UNC13C: variants seen among roughly 807,000 people sequenced by gnomAD.
UNC13C encodes protein unc-13 homolog C.
A neutral mutation model predicts 245.4 loss-of-function variants in UNC13C; 174 were observed. The observed-to-expected ratio is 0.71, with a 90% CI of 0.63 to 0.80. The LOEUF is 0.80. Ranked by LOEUF, UNC13C falls within the 30% of genes least tolerant of loss-of-function variation. The probability of loss-of-function intolerance (pLI) is 0.00; values close to 1 mark genes in which losing one functional copy is unlikely to be tolerated. For missense variants in UNC13C, 2,829 were observed against 2,602.9 expected, an observed-to-expected ratio of 1.09 and a Z score of -1.89; for synonymous variants, 992 against 895.1, an observed-to-expected ratio of 1.11 and a Z score of -1.93.
At chr15:54,395,173 A>T (rs971952422) in intron 18 of UNC13C, among the ~76,000 whole-genome samples, 2 of 151,734 alleles carry the variant, frequency 1.3e-5, no homozygotes, top group Admixed American at 1.3e-4. Flanking sequence ...AAGATCGTTC[A>T]ATTTAGTTTC....
intron 17 of UNC13C, among the ~76,000 whole-genome samples, chr15:54,371,740 A>G (rs565971199): frequency 2.6e-4 from 39 of 150,982 alleles, no homozygotes; most frequent in South Asian, 6.4e-4. Context: ...ACACACACAT[A>G]CCAGTGGAAT....
At chr15:54,405,365 G>A (rs534452847) in intron 18 of UNC13C, among the ~76,000 whole-genome samples, 1 of 152,254 alleles carries the variant, frequency 6.6e-6, no homozygotes, top group South Asian at 2.1e-4. Context: ...GGACAAAAAT[G>A]TGTTAAATTT....
chr15:54,542,225 C>G (rs529670850), intron 26 of UNC13C, among the ~76,000 whole-genome samples: 7 of 152,064 alleles, frequency 4.6e-5, no homozygotes, highest in Admixed American at 2.6e-4. Flanking sequence ...TTTCAAAGAA[C>G]TTATTTATTT....
At chr15:54,160,857 A>G (rs2032945680) in intron 4 of UNC13C, among the ~76,000 whole-genome samples, 1 of 152,164 alleles carries the variant, frequency 6.6e-6, no homozygotes, top group Admixed American at 6.5e-5. Context: ...TCTCTAATAT[A>G]TTTCTGATAA....
At chr15:54,182,687 A>C (rs2033842970) in intron 4 of UNC13C, among the ~76,000 whole-genome samples, 1 of 152,020 alleles carries the variant, frequency 6.6e-6, no homozygotes, top group African/African-American at 2.4e-5. Flanking sequence ...CTCCAGGAAA[A>C]TATCCTCTAA....
chr15:54,228,001 C>T (rs902159998), intron 4 of UNC13C, among the ~76,000 whole-genome samples: 9 of 152,170 alleles, frequency 5.9e-5, no homozygotes, highest in African/African-American at 2.2e-4. Flanking sequence ...AGTCTGAAGT[C>T]AGAAACTTTA....
At chr15:54,249,267 T>C (rs1199171868) in intron 7 of UNC13C, among the ~76,000 whole-genome samples, 2 of 152,028 alleles carry the variant, frequency 1.3e-5, no homozygotes, top group African/African-American at 4.8e-5. Flanking sequence ...TCAATACTAA[T>C]ACTAAGTGCT....
At chr15:54,606,078 A>G (rs1899751545) in intron 30 of UNC13C, among the ~76,000 whole-genome samples, 1 of 152,160 alleles carries the variant, frequency 6.6e-6, no homozygotes, top group African/African-American at 2.4e-5. Context: ...AATACAACAA[A>G]TCTGTCTTTG....
the UNC13C span, among the ~76,000 whole-genome samples, chr15:53,920,719 C>T: frequency 6.6e-6 from 1 of 151,776 alleles, no homozygotes; most frequent in Admixed American, 6.6e-5. Context: ...GAGTCTTCTC[C>T]ATAAGAGAAC....
intron 2 of UNC13C, among the ~76,000 whole-genome samples, chr15:54,074,412 A>G (rs1345844770): frequency 6.6e-6 from 1 of 152,208 alleles, no homozygotes; most frequent in Non-Finnish European, 1.5e-5. Flanking sequence ...AATTCTGTGA[A>G]TAAAGTCAGT....
chr15:54,597,511 A>G (rs1257750949), intron 30 of UNC13C, among the ~76,000 whole-genome samples: 1 of 152,158 alleles, frequency 6.6e-6, no homozygotes, highest in Non-Finnish European at 1.5e-5. Context: ...CGTCTGGGGT[A>G]AGACATGGAA....
chr15:54,311,134 C>A (rs575683691), intron 13 of UNC13C, among the ~76,000 whole-genome samples: 1 of 151,636 alleles, frequency 6.6e-6, no homozygotes, highest in South Asian at 2.1e-4. Flanking sequence ...TTGTAATGAC[C>A]TGAAAATTCT....
intron 2 of UNC13C, among the ~76,000 whole-genome samples, chr15:54,078,761 T>A (rs1898773749): frequency 6.6e-6 from 1 of 151,992 alleles, no homozygotes; most frequent in Admixed American, 6.6e-5. Context: ...TACTTTCTCC[T>A]ATTCTGTAGG....
intron 10 of UNC13C, among the ~76,000 whole-genome samples, chr15:54,287,403 A>C (rs970271892): frequency 1.3e-5 from 2 of 152,226 alleles, no homozygotes; most frequent in Non-Finnish European, 2.9e-5. Context: ...GATATAATCA[A>C]ACAAAATGAA....
intron 19 of UNC13C, among the ~76,000 whole-genome samples, chr15:54,430,723 C>T (rs1326578950): frequency 6.6e-6 from 1 of 151,684 alleles, no homozygotes; most frequent in Non-Finnish European, 1.5e-5. Context: ...ATTTAAAACA[C>T]ATTTTGTTTT....
At chr15:54,539,767 A>T (rs750338886) in intron 26 of UNC13C, among the ~76,000 whole-genome samples, 8 of 152,202 alleles carry the variant, frequency 5.3e-5, no homozygotes, top group Admixed American at 6.6e-5. Flanking sequence ...GGTACTTCCA[A>T]CTATTAGCTG....
chr15:54,414,969 T>C lies in UNC13C; in HGVS notation c.4848-13T>C. 2.5e-6 allele frequency: 4 copies of C among 1,606,946 alleles called. No homozygotes were observed. The highest frequency in any genetic ancestry group is 3.4e-6 in the Non-Finnish European group (4 of 1,175,864). ...TTCTTCTTCATACACTAATACAATGTGTTTGGTTTTAGGTTTCCTCAAGAG... is the reference window on the plus strand; with the variant it reads ...TTCTTCTTCATACACTAATACAATGCGTTTGGTTTTAGGTTTCCTCAAGAG... On this transcript the variant is annotated splice_polypyrimidine_tract_variant and intron_variant, in intron 18 of 32. Transcript: ENST00000260323.
At chr15:53,917,689 A>T in the UNC13C span, among the ~76,000 whole-genome samples, 1 of 152,162 alleles carries the variant, frequency 6.6e-6, no homozygotes, top group East Asian at 1.9e-4. Flanking sequence ...ACACGCAGAC[A>T]TTTTAGTTAT....
At chr15:54,230,620 T>C (rs2035524813) in intron 4 of UNC13C, among the ~76,000 whole-genome samples, 1 of 152,074 alleles carries the variant, frequency 6.6e-6, no homozygotes, top group Admixed American at 6.6e-5. Flanking sequence ...TCAAGGCACA[T>C]AGCAATATAC....
Sources: allele counts gnomAD v4.1 joint callset (sites outside exome capture counted in the v4.1 genomes callset), GRCh38; gene constraint gnomAD v4.1.1; transcripts MANE v1.5; gene names NCBI Gene and HGNC (gene_info 2026-07-23, HGNC 2026-07-21).